Variants in MGAT5B observed in about 807,000 individuals in gnomAD.
The protein encoded by MGAT5B is alpha-1,6-mannosylglycoprotein 6-beta-N-acetylglucosaminyltransferase B.
A neutral mutation model predicts 95.1 loss-of-function variants in MGAT5B; 54 were observed. The observed-to-expected ratio is 0.57, with a 90% CI of 0.46 to 0.71. The LOEUF (loss-of-function observed/expected upper bound fraction) is 0.71. Among genes scored for constraint, MGAT5B ranks in the 30% least tolerant of loss-of-function variants. The pLI is 0.00. For synonymous variants in MGAT5B, 464 were observed against 451.0 expected (o/e 1.03, Z -0.36); for missense variants, 935 against 1,088.6 (o/e 0.86, Z 1.99).
At chr17:76,941,954 G>T (rs1351623555) in intron 15 of MGAT5B, among the ~76,000 whole-genome samples, 1 of 152,206 alleles carries the variant, frequency 6.6e-6, no homozygotes, top group African/African-American at 2.4e-5. Context: ...TGTGGCTGAG[G>T]GTGGTGCCTG....
chr17:76,917,771 C>T lies in MGAT5B; in HGVS notation c.1026-7195C>T, dbSNP rs1359854195. ...GCAAGAGCCCCTGGCACACAGGAGT[C>T]ACCCGAGGAGCTGAAAATAATCCCC... On this transcript the variant is annotated intron_variant, in intron 8 of 17. Transcript: ENST00000569840. The surrounding 1 kb of genome is among the most constrained non-coding windows in gnomAD (Gnocchi z 6.1). Among the ~76,000 whole-genome samples the T allele has an allele frequency of 6.6e-6, 1 of 152,204 alleles. No individual in the cohort carries two copies. The highest frequency in any genetic ancestry group is 1.5e-5 in the Non-Finnish European group (1 of 68,046).
intron 4 of MGAT5B, among the ~76,000 whole-genome samples, chr17:76,903,009 T>G (rs1331952501): frequency 6.6e-6 from 1 of 151,950 alleles, no homozygotes; most frequent in Non-Finnish European, 1.5e-5. Context: ...AAACCTCATT[T>G]CTGCCTCCTC....
intron 10 of MGAT5B, among the ~76,000 whole-genome samples, chr17:76,928,566 G>A (rs977651873): frequency 4.5e-4 from 69 of 152,144 alleles, no homozygotes; most frequent in African/African-American, 1.6e-3. Context: ...TTAGCCGGGT[G>A]TGGTCGTGGG....
At chr17:76,871,130 A>G (rs898418589) in intron 1 of MGAT5B, among the ~76,000 whole-genome samples, 2 of 152,122 alleles carry the variant, frequency 1.3e-5, no homozygotes, top group Non-Finnish European at 2.9e-5. Flanking sequence ...CCTCTTCTCC[A>G]GGGACTAGAG....
At position 76,905,311 on chromosome 17, in the gene MGAT5B, C is replaced by T; in HGVS notation, c.833C>T (p.Ala278Val). 3.1e-6 allele frequency: 5 copies of T among 1,597,588 alleles called. No homozygotes were observed. The highest frequency in any genetic ancestry group is 4.3e-6 in the Non-Finnish European group (5 of 1,168,376). Residue 278 changes from alanine to valine, a missense_variant, in exon 7 of 18, where the codon GCC becomes GTC. Ala to Val is a moderately conservative substitution (Grantham distance 64). This residue lies in a region of MGAT5B where 243 missense variants were observed against 305.5 expected (regional missense o/e 0.80). Transcript: ENST00000569840. This position sits in a 1 kb window ranked among gnomAD's most constrained non-coding sequence, Gnocchi z 4.2. ...AAQRLAQKLGATQRDQKQILV... is the reference protein window; with the variant it reads ...AAQRLAQKLGVTQRDQKQILV... Reference sequence around the variant, plus strand: ...CAGCGCCTGGCACAGAAGCTGGGGGCCACCCAGAGGGACCAGAAGCAGGTG... The same window carrying T: ...CAGCGCCTGGCACAGAAGCTGGGGGTCACCCAGAGGGACCAGAAGCAGGTG...
chr17:76,932,715 C>T lies in MGAT5B; in HGVS notation c.1362C>T (p.Ile454=), dbSNP rs758913205. The change falls in exon 11 of 18, where the codon ATC becomes ATT. Residue 454 remains isoleucine (I), a synonymous_variant. Coordinates refer to ENST00000569840, the MANE Select transcript of MGAT5B (RefSeq NM_001199172.2). ...EELNETEKRL[I]KGGKASNMAV... is the part of the protein sequence containing the mutation. ...TCAACGAGACGGAGAAGCGGCTCAT[C>T]AAAGGCGGCAAGGCCAGCAACATGG... 7.7e-5 allele frequency: 124 copies of T among 1,613,904 alleles called. No individual in the cohort carries two copies. The South Asian group carries it at 1.4e-3, about 18-fold the overall frequency.
At chr17:76,887,266 G>A (rs1319201664) in intron 3 of MGAT5B, among the ~76,000 whole-genome samples, 5 of 151,840 alleles carry the variant, frequency 3.3e-5, no homozygotes, top group African/African-American at 1.2e-4. Context: ...GCCATGGCTC[G>A]GACCCCAACC....
intron 15 of MGAT5B, chr17:76,944,080 C>T (rs1405730862): frequency 6.6e-6 from 1 of 152,508 alleles, no homozygotes; most frequent in Non-Finnish European, 1.5e-5. Flanking sequence ...CCGCTGCACC[C>T]CTCCCTGCTG....
intron 3 of MGAT5B, among the ~76,000 whole-genome samples, chr17:76,890,841 C>G (rs569880172): frequency 1.3e-5 from 2 of 152,040 alleles, no homozygotes; most frequent in African/African-American, 4.8e-5. Context: ...GGCTGGAGGT[C>G]TGAGACCAGG....
intron 16 of MGAT5B, among the ~76,000 whole-genome samples, chr17:76,947,415 C>T (rs531786083): frequency 2.1e-4 from 32 of 152,262 alleles, no homozygotes; most frequent in African/African-American, 6.3e-4. Context: ...CGGGGCCCTC[C>T]GGCCCCTGGA....
intron 3 of MGAT5B, among the ~76,000 whole-genome samples, chr17:76,886,422 G>A (rs1268419073): frequency 6.6e-6 from 1 of 152,246 alleles, no homozygotes; most frequent in Admixed American, 6.5e-5. Flanking sequence ...CCTGGGCCCT[G>A]TGCTTGGCGC....
chr17:76,926,767 C>A (rs1969327379), intron 10 of MGAT5B, 37 bp downstream of exon 10: 8 of 1,606,058 alleles, frequency 5.0e-6, no homozygotes, highest in Non-Finnish European at 6.8e-6. Flanking sequence ...GGTCGGAGGT[C>A]CTCCTCATGG....
intron 3 of MGAT5B, 117 bp from the exon 4 acceptor site, chr17:76,902,438 G>C (rs1014663357): frequency 1.4e-5 from 10 of 693,706 alleles, no homozygotes; most frequent in Non-Finnish European, 2.2e-5. Flanking sequence ...GTCAGGGTTT[G>C]GGAGCCTGGG....
intron 2 of MGAT5B, among the ~76,000 whole-genome samples, chr17:76,877,815 G>A (rs1235939968): frequency 6.6e-6 from 1 of 152,114 alleles, no homozygotes; most frequent in Admixed American, 6.5e-5. Flanking sequence ...GTAAAGGGTG[G>A]GGATGGGGAC....
chr17:76,885,813 C>T (rs536665929), intron 3 of MGAT5B, among the ~76,000 whole-genome samples: 5 of 152,312 alleles, frequency 3.3e-5, no homozygotes, highest in Middle Eastern at 3.4e-3. Context: ...CTGCCCCCTC[C>T]GCACCCTGAA....
rs1598938831 is a variant in MGAT5B, at chr17:76,905,613, T to C, written c.855+280T>C. On this transcript the variant is annotated intron_variant, in intron 7 of 17. Transcript: ENST00000569840. The surrounding 1 kb of genome is among the most constrained non-coding windows in gnomAD (Gnocchi z 4.2). The stretch of plus-strand genomic sequence containing the variant: ...AAAGTCATGGTATTGGCCTGGAAAG[T>C]TGGGAATGTTCTGGGGAGCTTCGTT... 2.6e-5 allele frequency among the ~76,000 whole-genome samples: 4 copies of C among 152,170 alleles called. No individual in the cohort carries two copies. Among genetic ancestry groups the C allele is most frequent in the Admixed American group, 2.6e-4 (4 of 15,276 alleles).
At chr17:76,907,349 C>G (rs1968570171) in intron 8 of MGAT5B, among the ~76,000 whole-genome samples, 1 of 152,210 alleles carries the variant, frequency 6.6e-6, no homozygotes, top group Admixed American at 6.5e-5. Context: ...CCGCACCCAG[C>G]CTGCTTTTGT....
chr17:76,884,537 A>G (rs1273001886), intron 3 of MGAT5B, among the ~76,000 whole-genome samples: 2 of 151,688 alleles, frequency 1.3e-5, no homozygotes, highest in East Asian at 3.9e-4. Context: ...GGGTTCGAGC[A>G]ATTCTTCTGC....
At chr17:76,945,681 C>A (rs1313910393) in intron 15 of MGAT5B, among the ~76,000 whole-genome samples, 2 of 152,186 alleles carry the variant, frequency 1.3e-5, no homozygotes, top group Non-Finnish European at 2.9e-5. Context: ...ATCTCATTCC[C>A]GCTGACTGGG....
Sources: allele counts gnomAD v4.1 joint callset (sites outside exome capture counted in the v4.1 genomes callset), GRCh38; gene constraint gnomAD v4.1.1; regional missense constraint gnomAD v4.1.1; non-coding constraint Gnocchi (gnomAD v3.1); transcripts MANE v1.5; gene names NCBI Gene and HGNC (gene_info 2026-07-23, HGNC 2026-07-21).